Variants in SGCD observed in about 807,000 individuals in gnomAD.
SGCD encodes the protein sarcoglycan delta.
A neutral mutation model predicts 36.6 loss-of-function variants in SGCD; 18 were observed. The observed-to-expected ratio is 0.49, with a 90% CI of 0.34 to 0.73. SGCD has a LOEUF of 0.73. SGCD is among the 30% of genes least tolerant of loss of function. The pLI is 0.01. For synonymous variants in SGCD, 133 were observed against 130.6 expected, an observed-to-expected ratio of 1.02 and a Z score of -0.12; for missense variants, 387 against 346.7, an observed-to-expected ratio of 1.12 and a Z score of -0.92.
chr5:155,857,832 T>A, the SGCD span, among the ~76,000 whole-genome samples: 1 of 152,240 alleles, frequency 6.6e-6, no homozygotes, highest in Admixed American at 6.5e-5. Context: ...TTACTTTTAA[T>A]AATCCAAATG....
chr5:156,609,185 G>A (rs573192989), intron 6 of SGCD, among the ~76,000 whole-genome samples: 33 of 152,252 alleles, frequency 2.2e-4, no homozygotes, highest in African/African-American at 7.9e-4. Flanking sequence ...GCTGGTACCG[G>A]TTGTTCCTTT....
intron 3 of SGCD, among the ~76,000 whole-genome samples, chr5:156,508,154 C>A (rs1756784924): frequency 6.6e-6 from 1 of 152,206 alleles, no homozygotes. Context: ...TGACTCTTTA[C>A]ATGTTTTGTG....
intron 3 of SGCD, among the ~76,000 whole-genome samples, chr5:156,307,113 A>T (rs1767236013): frequency 6.7e-6 from 1 of 150,196 alleles, no homozygotes; most frequent in Non-Finnish European, 1.5e-5. Flanking sequence ...ACAAACACAG[A>T]TAACTGCAGG....
chr5:156,429,667 T>G (rs1773844961), intron 3 of SGCD, among the ~76,000 whole-genome samples: 1 of 152,068 alleles, frequency 6.6e-6, no homozygotes, highest in African/African-American at 2.4e-5. Flanking sequence ...GAGGTTTTGA[T>G]TCAAGATTTA....
chr5:156,310,654 G>A (rs1330656554), intron 3 of SGCD, among the ~76,000 whole-genome samples: 2 of 152,122 alleles, frequency 1.3e-5, no homozygotes, highest in Admixed American at 6.5e-5. Flanking sequence ...AAGATTTCTG[G>A]TGCTTCTTAC....
intron 6 of SGCD, among the ~76,000 whole-genome samples, chr5:156,638,215 A>G (rs935703431): frequency 6.6e-6 from 1 of 152,026 alleles, no homozygotes; most frequent in African/African-American, 2.4e-5. Flanking sequence ...TTGAGAACTG[A>G]AATCTCCACT....
chr5:156,431,218 T>C (rs1587857), intron 3 of SGCD, among the ~76,000 whole-genome samples: 110,036 of 152,134 alleles, frequency 0.72, 40,200 homozygotes, highest in Middle Eastern at 0.91. Flanking sequence ...GGCACCTCTT[T>C]TCATCTGTAG....
At chr5:156,444,856 A>C (rs996809751) in intron 3 of SGCD, among the ~76,000 whole-genome samples, 3 of 152,204 alleles carry the variant, frequency 2.0e-5, no homozygotes, top group African/African-American at 7.2e-5. Context: ...AGAATGCTCC[A>C]TGTGTTTTTA....
chr5:156,465,835 C>T (rs112294043), intron 3 of SGCD, among the ~76,000 whole-genome samples: 69 of 152,312 alleles, frequency 4.5e-4, no homozygotes, highest in African/African-American at 1.5e-3. Flanking sequence ...GGTGATGTCA[C>T]ACAGATATTG....
intron 3 of SGCD, among the ~76,000 whole-genome samples, chr5:156,178,705 A>C (rs1763529918): frequency 6.6e-6 from 1 of 151,972 alleles, no homozygotes. Context: ...CCTCCCAAGT[A>C]GCTGGGATTG....
At chr5:155,966,380 C>T (rs1427157992) in intron 1 of SGCD, among the ~76,000 whole-genome samples, 2 of 152,202 alleles carry the variant, frequency 1.3e-5, no homozygotes, top group East Asian at 3.9e-4. Context: ...GTCACACTGT[C>T]CTCATCTATA....
At chr5:156,742,817 C>T (rs1033853774) in intron 7 of SGCD, among the ~76,000 whole-genome samples, 2 of 152,114 alleles carry the variant, frequency 1.3e-5, no homozygotes, top group African/African-American at 2.4e-5. Context: ...AGGCAGGCAA[C>T]GTTATCTCTT....
the SGCD span, among the ~76,000 whole-genome samples, chr5:155,732,333 A>G: frequency 6.6e-6 from 1 of 152,348 alleles, no homozygotes; most frequent in South Asian, 2.1e-4. Flanking sequence ...TAGAAAGTAC[A>G]GTGCTAAAAT....
intron 3 of SGCD, among the ~76,000 whole-genome samples, chr5:156,384,473 G>T (rs1344045405): frequency 6.6e-6 from 1 of 152,154 alleles, no homozygotes; most frequent in East Asian, 1.9e-4. Context: ...AATTCCAAGA[G>T]AATAAGAACC....
the SGCD span, among the ~76,000 whole-genome samples, chr5:155,828,810 C>T: frequency 6.6e-6 from 1 of 151,996 alleles, no homozygotes; most frequent in African/African-American, 2.4e-5. Context: ...CCTCAGCCTC[C>T]CAAGTAGCTG....
At chr5:155,833,673 C>T in the SGCD span, among the ~76,000 whole-genome samples, 3 of 152,200 alleles carry the variant, frequency 2.0e-5, no homozygotes, top group African/African-American at 7.2e-5. Flanking sequence ...AGTGTTTCAG[C>T]ACTTCTCAGG....
intron 4 of SGCD, among the ~76,000 whole-genome samples, chr5:156,584,509 G>C (rs572176204): frequency 6.6e-6 from 1 of 152,228 alleles, no homozygotes; most frequent in Non-Finnish European, 1.5e-5. Flanking sequence ...ATAAGGGGCA[G>C]TTGAAAGAGG....
the SGCD span, among the ~76,000 whole-genome samples, chr5:155,811,438 A>C: frequency 6.6e-6 from 1 of 152,212 alleles, no homozygotes; most frequent in African/African-American, 2.4e-5. Context: ...GCCAAAAAAG[A>C]AGCACTCATT....
chr5:156,321,293 G>C (rs962573585), intron 3 of SGCD, among the ~76,000 whole-genome samples: 1 of 152,056 alleles, frequency 6.6e-6, no homozygotes, highest in Non-Finnish European at 1.5e-5. Flanking sequence ...GGTGGTGGGC[G>C]CCTGTAGTCC....
Sources: gnomAD v4.1 joint callset for allele counts (sites outside exome capture counted in the v4.1 genomes callset) on GRCh38, gnomAD v4.1.1 for gene constraint, MANE v1.5 for transcripts, NCBI Gene and HGNC (gene_info 2026-07-23, HGNC 2026-07-21) for gene names.